Variants in CCM2 observed in about 807,000 individuals in gnomAD.
CCM2 encodes the protein cerebral cavernous malformations 2 protein.
In CCM2, 25 loss-of-function variants were observed where a neutral mutation model predicts 44.9. The ratio of observed to expected loss-of-function variants is 0.56; its 90% CI spans 0.41 to 0.78. The LOEUF (loss-of-function observed/expected upper bound fraction) is 0.78. Among genes scored for constraint, CCM2 ranks in the 30% least tolerant of loss-of-function variants. The pLI, the probability that CCM2 is intolerant of heterozygous loss-of-function variation, is 0.00. For missense variants in CCM2, 481 were observed against 580.6 expected (o/e 0.83, Z 1.76); for synonymous variants, 219 against 241.1 (o/e 0.91, Z 0.85).
Position 45,069,925 on chromosome 7 carries a change from G to T in CCM2, c.709G>T (p.Ala237Ser). Reference sequence around the variant, plus strand: ...TCTGGACAGAGCGATATTTGATGGGGCCTCTACCCCGACCCACCACCTGTC... The same window carrying T: ...TCTGGACAGAGCGATATTTGATGGGTCCTCTACCCCGACCCACCACCTGTC... The part of the protein sequence containing the change: ...DFLDRAIFDG[A>S]STPTHHLSLH... The change falls in exon 6 of 10, where the codon GCC becomes TCC. Residue 237 changes from alanine (A) to serine (S), a missense_variant. By Grantham distance (99) the Ala-to-Ser change is moderately conservative. Transcript: ENST00000258781. 1 of 1,614,132 alleles carries T rather than the reference G, an allele frequency of 6.2e-7. No homozygotes were observed. The highest frequency in any genetic ancestry group is 8.5e-7 in the Non-Finnish European group (1 of 1,180,040).
At chr7:45,065,421 A>G (rs924982774) in intron 4 of CCM2, among the ~76,000 whole-genome samples, 1 of 152,196 alleles carries the variant, frequency 6.6e-6, no homozygotes, top group Non-Finnish European at 1.5e-5. Flanking sequence ...GTTGATCCCA[A>G]AGCCTTTCAT....
intron 4 of CCM2, 97 bp downstream of exon 4, chr7:45,064,743 G>A (rs899539263): frequency 6.2e-6 from 8 of 1,282,280 alleles, no homozygotes; most frequent in Non-Finnish European, 7.7e-6. Context: ...TTCGTGTTGG[G>A]TGCTGCTGTT....
At chr7:45,005,063 T>G (rs1028261235) in intron 1 of CCM2, among the ~76,000 whole-genome samples, 7 of 152,112 alleles carry the variant, frequency 4.6e-5, no homozygotes, top group Admixed American at 4.6e-4. Flanking sequence ...CAAGCCATAC[T>G]TGGGTTCAGA....
chr7:45,027,535 A>G (rs866087414), intron 1 of CCM2: 4 of 1,287,722 alleles, frequency 3.1e-6, no homozygotes, highest in Middle Eastern at 1.9e-4. Context: ...GATTTTGCCA[A>G]CAGTTTCTGG....
chr7:45,025,595 G>A (rs1006743125), intron 1 of CCM2, among the ~76,000 whole-genome samples: 1 of 146,814 alleles, frequency 6.8e-6, no homozygotes, highest in African/African-American at 2.5e-5. Flanking sequence ...GTGCAATGGC[G>A]TGATCTCACC....
rs775134525 is a variant in CCM2, at chr7:45,076,351, C to G, written c.*294C>G. On this transcript the variant is annotated 3_prime_UTR_variant, in exon 10 of 10. Coordinates refer to ENST00000258781, the MANE Select transcript of CCM2 (RefSeq NM_031443.4). ...GCCGAGCGGGCAGGGAGAGCCAGTC[C>G]TGTCGGCTGGGCCCTTGGACGGCTG... 1.7e-5 allele frequency: 10 copies of G among 597,604 alleles called. No homozygotes were observed. The Admixed American group carries it at 2.1e-4, about 12-fold the overall frequency. The allele number at this position is 597,604 out of a possible 1,614,324, so 37.0% of individuals were successfully genotyped here.
At chr7:45,011,416 C>T (rs1796063190) in intron 1 of CCM2, among the ~76,000 whole-genome samples, 1 of 152,076 alleles carries the variant, frequency 6.6e-6, no homozygotes, top group Non-Finnish European at 1.5e-5. Flanking sequence ...GGGCTCCTCT[C>T]GAACTCCTGA....
intron 8 of CCM2, 29 bp downstream of exon 8, chr7:45,073,600 T>C: frequency 6.6e-7 from 1 of 1,504,106 alleles, no homozygotes; most frequent in South Asian, 1.1e-5. Flanking sequence ...GACGCTGGGC[T>C]GCATGAGGGA....
At chr7:45,074,197 G>A (rs964829928) in intron 8 of CCM2, 73 bp from the exon 9 acceptor site, 8 of 1,606,722 alleles carry the variant, frequency 5.0e-6, no homozygotes, top group South Asian at 3.3e-5. Flanking sequence ...GTTAGTGGCT[G>A]TGGCAAGGTG....
intron 7 of CCM2, chr7:45,073,177 C>T: frequency 5.2e-6 from 3 of 576,798 alleles, no homozygotes; most frequent in Non-Finnish European, 9.3e-6. Flanking sequence ...CCAACCCTGG[C>T]TCCTTCCCCT....
In CCM2 at chr7:45,050,506, C is replaced by T. The variant is rs538532648; in HGVS notation, c.204+12080C>T. Among the ~76,000 whole-genome samples the T allele has an allele frequency of 2.0e-3, 312 of 152,304 alleles. 2 individuals are homozygous for T. Among genetic ancestry groups the T allele is most frequent in the Middle Eastern group, 0.01 (3 of 294 alleles). On this transcript the variant is annotated intron_variant, in intron 2 of 9. Coordinates refer to ENST00000258781, the MANE Select transcript of CCM2 (RefSeq NM_031443.4). ...CAGCAGATACTGAGGGACAACTGTA[C>T]CTGTTTCTCCACCCTCTGAGGAACG...
intron 2 of CCM2, chr7:45,043,681 A>C: frequency 2.6e-6 from 1 of 390,866 alleles, no homozygotes; most frequent in South Asian, 1.9e-5. Context: ...TCAAATATTT[A>C]ACTTTATTTT....
intron 1 of CCM2, among the ~76,000 whole-genome samples, chr7:45,022,747 A>G (rs1796531181): frequency 6.7e-6 from 1 of 150,188 alleles, no homozygotes; most frequent in Admixed American, 6.6e-5. Flanking sequence ...TCTGGCTTTT[A>G]TTTTATTTTT....
intron 1 of CCM2, among the ~76,000 whole-genome samples, chr7:45,034,737 C>G (rs1363323362): frequency 6.6e-6 from 1 of 151,810 alleles, no homozygotes; most frequent in Non-Finnish European, 1.5e-5. Context: ...CCAGGCTGGT[C>G]TCTTAACTCC....
At chr7:45,038,123 C>G in intron 1 of CCM2, 130 bp from the exon 2 acceptor site, 3 of 1,081,944 alleles carry the variant, frequency 2.8e-6, no homozygotes, top group Non-Finnish European at 2.8e-6. Flanking sequence ...TCTCACCAGT[C>G]TGGCAGTCAG....
chr7:45,010,400 A>C lies in CCM2; in HGVS notation c.30+10037A>C, dbSNP rs113435271. Among the ~76,000 whole-genome samples, 791 of 152,318 alleles carry C rather than the reference A, an allele frequency of 5.2e-3. 10 individuals are homozygous for C. The highest frequency in any genetic ancestry group is 0.018 in the African/African-American group (760 of 41,576). On this transcript the variant is annotated intron_variant, in intron 1 of 9. Coordinates refer to ENST00000258781, the MANE Select transcript of CCM2 (RefSeq NM_031443.4). ...TTTCCACCATAGGTTAATTTTGTTC[A>C]TTCTAGAACTTCATACAGATGGATT...
chr7:45,030,014 C>T (rs564158944), intron 1 of CCM2, among the ~76,000 whole-genome samples: 1 of 152,282 alleles, frequency 6.6e-6, no homozygotes, highest in South Asian at 2.1e-4. Flanking sequence ...CTTTGCACAG[C>T]GCTGCATGGT....
chr7:45,021,000 G>T (rs1333795651), intron 1 of CCM2, among the ~76,000 whole-genome samples: 1 of 152,170 alleles, frequency 6.6e-6, no homozygotes, highest in African/African-American at 2.4e-5. Context: ...GTCACTGCCT[G>T]CCTGAATCTC....
At chr7:45,073,882 T>TC (rs749730827) in intron 8 of CCM2, 244 of 533,542 alleles carry the variant, frequency 4.6e-4, no homozygotes, top group Admixed American at 7.9e-4. Context: ...ATTTTTATCC[T>TC]CCCCATCTTA....
Sources: allele counts gnomAD v4.1 joint callset (sites outside exome capture counted in the v4.1 genomes callset), GRCh38; gene constraint gnomAD v4.1.1; transcripts MANE v1.5; gene names NCBI Gene and HGNC (gene_info 2026-07-23, HGNC 2026-07-21).